Variants in TBC1D22A observed in about 807,000 individuals in gnomAD.
TBC1D22A encodes the protein putative GTPase activator.
Under a neutral mutation model 60.2 loss-of-function variants are expected in TBC1D22A, and 38 were observed. The observed-to-expected ratio is 0.63, with a 90% CI of 0.49 to 0.83. The LOEUF is 0.83. Ranked by LOEUF, TBC1D22A falls within the 40% of genes least tolerant of loss-of-function variation. The pLI is 0.00. For missense variants in TBC1D22A, 628 were observed against 701.0 expected (o/e 0.90, Z 1.18); for synonymous variants, 302 against 281.7 (o/e 1.07, Z -0.72).
chr22:46,883,954 T>C (rs2067980501), intron 5 of TBC1D22A, among the ~76,000 whole-genome samples: 1 of 152,192 alleles, frequency 6.6e-6, no homozygotes. Flanking sequence ...CGCATCTTTC[T>C]CCCTGAGTCT....
intron 4 of TBC1D22A, among the ~76,000 whole-genome samples, chr22:46,849,501 C>G (rs562343943): frequency 1.3e-5 from 2 of 152,290 alleles, no homozygotes; most frequent in East Asian, 1.9e-4. Context: ...TATTAGAGAA[C>G]AGCTAAGTCA....
chr22:46,987,748 T>G (rs2074782158), intron 9 of TBC1D22A, among the ~76,000 whole-genome samples: 1 of 152,190 alleles, frequency 6.6e-6, no homozygotes, highest in Admixed American at 6.5e-5. Flanking sequence ...TGCAGACTGA[T>G]CAGGGTGGTG....
At chr22:47,159,298 A>C (rs1464971570) in intron 12 of TBC1D22A, among the ~76,000 whole-genome samples, 5 of 128,960 alleles carry the variant, frequency 3.9e-5, no homozygotes, top group Admixed American at 2.3e-4. Context: ...TACACACCCC[A>C]CACACACCAT....
chr22:47,144,777 G>A (rs1437904114), intron 12 of TBC1D22A, among the ~76,000 whole-genome samples: 1 of 17,656 alleles, frequency 5.7e-5, no homozygotes, highest in Admixed American at 4.4e-4. Flanking sequence ...GCCCGTGAAG[G>A]TGCCTGCTGG....
rs574337771 is a variant in TBC1D22A at position 46,811,714 on chromosome 22, T to G, written c.637+14094T>G. On this transcript the variant is annotated intron_variant, in intron 4 of 12. Coordinates refer to ENST00000337137, the MANE Select transcript of TBC1D22A (RefSeq NM_014346.5). ...GAGCCAGCACTCGAGGCCAGGTGTG[T>G]CAGAGAGAGCCAGCATCCAGTCTGT... Among the ~76,000 whole-genome samples, 2 of 152,280 alleles carry G rather than the reference T, an allele frequency of 1.3e-5. 1 individual carries two copies. The highest frequency in any genetic ancestry group is 4.1e-4 in the South Asian group (2 of 4,830).
chr22:46,948,531 C>T (rs940517538), intron 8 of TBC1D22A, among the ~76,000 whole-genome samples: 1 of 152,210 alleles, frequency 6.6e-6, no homozygotes, highest in African/African-American at 2.4e-5. Context: ...CGGTGGGTTT[C>T]TCACTCCGGG....
chr22:47,150,330 G>A (rs2067454704), intron 12 of TBC1D22A, among the ~76,000 whole-genome samples: 1 of 152,102 alleles, frequency 6.6e-6, no homozygotes, highest in African/African-American at 2.4e-5. Context: ...GTGGGGTGGC[G>A]AGGGCTCCAG....
At chr22:47,024,275 A>G (rs2062180737) in intron 10 of TBC1D22A, among the ~76,000 whole-genome samples, 1 of 152,232 alleles carries the variant, frequency 6.6e-6, no homozygotes, top group Non-Finnish European at 1.5e-5. Context: ...CAATTAATAT[A>G]AAAGAAGGCC....
At chr22:46,896,285 T>C (rs2187615) in intron 7 of TBC1D22A, among the ~76,000 whole-genome samples, 110,240 of 152,004 alleles carry the variant, frequency 0.73, 40,046 homozygotes, top group Middle Eastern at 0.87. Context: ...TTGTATGTTG[T>C]AAAGATCTTC....
chr22:46,911,942 T>C, intron 7 of TBC1D22A, 132 bp from the exon 8 acceptor site: 1 of 633,286 alleles, frequency 1.6e-6, no homozygotes, highest in Non-Finnish European at 2.7e-6. Context: ...AATTGATATT[T>C]GTTTATATTT....
chr22:47,027,906 C>A lies in TBC1D22A; in HGVS notation c.1202-9165C>A, dbSNP rs201784968. Among the ~76,000 whole-genome samples, 9 of 152,240 alleles carry A rather than the reference C, an allele frequency of 5.9e-5. No homozygotes were observed. The East Asian group carries it at 7.7e-4, about 13-fold the overall frequency. On this transcript the variant is annotated intron_variant, in intron 10 of 12. Transcript: ENST00000337137. ...TGTCTTGTCCAGCCCACTCCTCCCC[C>A]CTGGGCAGCTTTGAACTGCGGGTTC... is the stretch of plus-strand genomic sequence containing the variant.
At chr22:47,040,703 C>T (rs1029340352) in intron 11 of TBC1D22A, among the ~76,000 whole-genome samples, 2 of 152,010 alleles carry the variant, frequency 1.3e-5, no homozygotes, top group Admixed American at 6.5e-5. Flanking sequence ...CCGTGCGGGA[C>T]GTGACTCAGC....
intron 10 of TBC1D22A, among the ~76,000 whole-genome samples, chr22:47,022,587 C>A (rs940417278): frequency 6.6e-6 from 1 of 151,892 alleles, no homozygotes; most frequent in African/African-American, 2.4e-5. Flanking sequence ...AACAAAAACA[C>A]CAAAGCTCTG....
chr22:47,033,956 C>T (rs2062571826), intron 10 of TBC1D22A, among the ~76,000 whole-genome samples: 1 of 152,064 alleles, frequency 6.6e-6, no homozygotes. Context: ...CTCCTGGCAC[C>T]CCCTTTGGTC....
chr22:46,965,422 C>G (rs1228570508), intron 8 of TBC1D22A, among the ~76,000 whole-genome samples: 1 of 152,204 alleles, frequency 6.6e-6, no homozygotes, highest in Admixed American at 6.5e-5. Context: ...CCGACGGCCC[C>G]CGTCTCGGTA....
chr22:47,148,175 C>T (rs1435519557), intron 12 of TBC1D22A, among the ~76,000 whole-genome samples: 4 of 152,082 alleles, frequency 2.6e-5, no homozygotes, highest in Non-Finnish European at 5.9e-5. Context: ...GGCCACCACC[C>T]CATCGGACAG....
At chr22:47,129,306 G>C (rs1405726502) in intron 12 of TBC1D22A, among the ~76,000 whole-genome samples, 1 of 152,188 alleles carries the variant, frequency 6.6e-6, no homozygotes, top group Non-Finnish European at 1.5e-5. Context: ...GTGAAACCCT[G>C]TCTCTACTAA....
At position 47,017,339 on chromosome 22, in the gene TBC1D22A, G is replaced by A. The variant is rs375179430; in HGVS notation, c.1201+19630G>A. On this transcript the variant is annotated intron_variant, in intron 10 of 12. Coordinates refer to ENST00000337137, the MANE Select transcript of TBC1D22A (RefSeq NM_014346.5). ...CAGGAGGGCCACACATGACCAGGTAGTAAGCCCAAGGCTGCGGTCTCCGGG... is the reference window on the plus strand; with the variant it reads ...CAGGAGGGCCACACATGACCAGGTAATAAGCCCAAGGCTGCGGTCTCCGGG... 4.6e-5 allele frequency among the ~76,000 whole-genome samples: 7 copies of A among 152,216 alleles called. No individual in the cohort carries two copies. In the East Asian group the frequency reaches 1.2e-3, roughly 25 times the overall value.
chr22:47,038,186 A>T (rs1015099506), intron 11 of TBC1D22A, among the ~76,000 whole-genome samples: 3 of 152,246 alleles, frequency 2.0e-5, no homozygotes, highest in Admixed American at 1.3e-4. Flanking sequence ...AAATCTCTAC[A>T]GAGTGCTAAA....
Sources: gnomAD v4.1 joint callset for allele counts (sites outside exome capture counted in the v4.1 genomes callset) on GRCh38, gnomAD v4.1.1 for gene constraint, MANE v1.5 for transcripts, NCBI Gene and HGNC (gene_info 2026-07-23, HGNC 2026-07-21) for gene names.